RARB: variants seen among roughly 807,000 people sequenced by gnomAD.
RARB encodes HBV-activated protein.
In RARB, 17 loss-of-function variants were observed where a neutral mutation model predicts 51.9. The observed-to-expected ratio is 0.33, with a 90% CI of 0.22 to 0.49. RARB has a LOEUF of 0.49. Ranked by LOEUF, RARB falls within the 20% of genes least tolerant of loss-of-function variation. RARB has a pLI of 0.99. For missense variants in RARB, 369 were observed against 550.8 expected, an observed-to-expected ratio of 0.67 and a Z score of 3.30; for synonymous variants, 215 against 195.4, an observed-to-expected ratio of 1.10 and a Z score of -0.84.
At chr3:25,165,990 T>C (rs1054793776) in intron 4 of RARB, among the ~76,000 whole-genome samples, 1 of 152,104 alleles carries the variant, frequency 6.6e-6, no homozygotes, top group Non-Finnish European at 1.5e-5. Context: ...TCTAAGCTTC[T>C]TAAAAAAAAT....
intron 2 of RARB, among the ~76,000 whole-genome samples, chr3:24,906,784 G>A (rs1694874995): frequency 7.0e-6 from 1 of 143,200 alleles, no homozygotes; most frequent in Admixed American, 7.3e-5. Context: ...GGCAGAGGTT[G>A]CAGTGAGCTG....
chr3:25,263,528 A>G (rs1160833072), intron 5 of RARB, among the ~76,000 whole-genome samples: 2 of 152,180 alleles, frequency 1.3e-5, no homozygotes, highest in Admixed American at 1.3e-4. Context: ...CTTTAGCCTC[A>G]TGGGTTTAAG....
chr3:25,503,369 T>C (rs1446631305), intron 3 of RARB, among the ~76,000 whole-genome samples: 2 of 152,212 alleles, frequency 1.3e-5, no homozygotes, highest in Non-Finnish European at 2.9e-5. Context: ...CAGTTCAGGC[T>C]GAAATTATAA....
At chr3:25,098,282 A>C (rs892259401) in intron 3 of RARB, among the ~76,000 whole-genome samples, 5 of 152,184 alleles carry the variant, frequency 3.3e-5, no homozygotes. Flanking sequence ...ACCTTCCAGA[A>C]AGATTTTCAT....
At position 25,163,504 on chromosome 3, in the gene RARB, AATATATATATATATATAT is replaced by A. The variant is rs138389529; in HGVS notation, c.-279-10598_-279-10581del. ...TGAGCAGAATAAGACCCTATCTCAA[AATATATATATATATATAT>A]ATATATATATATATATTTGTTTATT... is the stretch of plus-strand genomic sequence containing the variant. On this transcript the variant is annotated intron_variant, in intron 4 of 11. Transcript: ENST00000383772. Among the ~76,000 whole-genome samples, 77 of 131,124 alleles carry A rather than the reference AATATATATATATATATAT, an allele frequency of 5.9e-4. 1 individual carries two copies. The highest frequency in any genetic ancestry group is 2.2e-3 in the African/African-American group (68 of 31,192). 86.0% of individuals were successfully genotyped at this position (131,124 alleles called of 152,430 possible).
At chr3:24,961,632 G>A (rs769500712) in intron 2 of RARB, among the ~76,000 whole-genome samples, 4 of 152,086 alleles carry the variant, frequency 2.6e-5, no homozygotes, top group South Asian at 2.1e-4. Context: ...GAGGGAGGGC[G>A]GGGCATGGAG....
intron 2 of RARB, chr3:25,020,103 TC>T (rs869146169): frequency 7.3e-6 from 1 of 137,652 alleles, no homozygotes; most frequent in Non-Finnish European, 1.6e-5. Flanking sequence ...ACTCAAGTTC[TC>T]TATTATTATT....
At chr3:25,303,043 T>C (rs1248036427) in intron 5 of RARB, among the ~76,000 whole-genome samples, 3 of 152,228 alleles carry the variant, frequency 2.0e-5, no homozygotes, top group Non-Finnish European at 4.4e-5. Context: ...CTTTAGAATG[T>C]TCTGACCCTT....
chr3:25,261,451 C>A (rs1038762290), intron 5 of RARB, among the ~76,000 whole-genome samples: 6 of 152,096 alleles, frequency 3.9e-5, no homozygotes, highest in African/African-American at 1.4e-4. Context: ...CCCTGAGGTT[C>A]TATTTTCAGC....
At chr3:25,586,863 G>A (rs6775759) in intron 5 of RARB, among the ~76,000 whole-genome samples, 7,660 of 152,272 alleles carry the variant, frequency 0.05, 599 homozygotes, top group African/African-American at 0.17. Context: ...AGGCTTCAGC[G>A]TTGCGCCTGG....
At chr3:25,003,915 A>G (rs536201363) in intron 2 of RARB, among the ~76,000 whole-genome samples, 1 of 152,158 alleles carries the variant, frequency 6.6e-6, no homozygotes. Context: ...TTTCCTGGCC[A>G]TGTGATTAAC....
At chr3:25,544,031 A>T (rs1293984374) in intron 3 of RARB, among the ~76,000 whole-genome samples, 1 of 152,242 alleles carries the variant, frequency 6.6e-6, no homozygotes, top group Non-Finnish European at 1.5e-5. Flanking sequence ...TAAAGGACTG[A>T]CGGGAAAAGA....
At chr3:24,874,781 A>G (rs930019928) in intron 2 of RARB, among the ~76,000 whole-genome samples, 8 of 151,890 alleles carry the variant, frequency 5.3e-5, no homozygotes, top group Non-Finnish European at 8.8e-5. Flanking sequence ...GGCAGTTACC[A>G]CAATTTTAAA....
intron 1 of RARB, among the ~76,000 whole-genome samples, chr3:25,453,714 A>G (rs1338919909): frequency 6.6e-6 from 1 of 152,100 alleles, no homozygotes; most frequent in Non-Finnish European, 1.5e-5. Context: ...AGAATAGCAG[A>G]GTTTCTCACA....
intron 3 of RARB, among the ~76,000 whole-genome samples, chr3:25,066,170 C>T (rs1268756571): frequency 2.6e-5 from 4 of 152,150 alleles, no homozygotes; most frequent in Non-Finnish European, 5.9e-5. Context: ...TTTTTCAAGG[C>T]TGTCAGATCA....
chr3:24,905,681 T>G (rs1694848072), intron 2 of RARB, among the ~76,000 whole-genome samples: 1 of 152,210 alleles, frequency 6.6e-6, no homozygotes, highest in Admixed American at 6.5e-5. Flanking sequence ...GGTGCAGTAG[T>G]CATCTTGAGT....
chr3:25,508,111 A>T (rs1466060667), intron 3 of RARB, among the ~76,000 whole-genome samples: 1 of 152,176 alleles, frequency 6.6e-6, no homozygotes, highest in Non-Finnish European at 1.5e-5. Context: ...TGTTTATTTC[A>T]CAGCATTTTT....
chr3:24,987,386 G>C (rs2125431778), intron 2 of RARB, among the ~76,000 whole-genome samples: 1 of 152,312 alleles, frequency 6.6e-6, no homozygotes, highest in East Asian at 1.9e-4. Flanking sequence ...GAGCAGCAAA[G>C]AAGAAAGCTC....
intron 2 of RARB, among the ~76,000 whole-genome samples, chr3:25,035,003 A>G (rs115328962): frequency 0.031 from 4,653 of 152,318 alleles, 181 homozygotes; most frequent in African/African-American, 0.094. Context: ...GCCATTTATC[A>G]TTCCACATGT....
Sources: allele counts gnomAD v4.1 joint callset (sites outside exome capture counted in the v4.1 genomes callset), GRCh38; gene constraint gnomAD v4.1.1; transcripts MANE v1.5; gene names NCBI Gene and HGNC (gene_info 2026-07-23, HGNC 2026-07-21).